The following SYT17 variants were observed in gnomAD, a reference collection of about 807,000 sequenced individuals.
SYT17 encodes synaptotagmin 17.
SYT17 carries 22 observed loss-of-function variants against 46.7 expected under a neutral mutation model. The ratio of observed to expected loss-of-function variants is 0.47; its 90% CI spans 0.34 to 0.67. The LOEUF (loss-of-function observed/expected upper bound fraction) is 0.67, where lower values mean the gene tolerates loss of function less well. SYT17 is among the 30% of genes least tolerant of loss of function. The pLI, the probability that SYT17 is intolerant of heterozygous loss-of-function variation, is 0.01. For missense variants in SYT17, 519 were observed against 612.8 expected, an observed-to-expected ratio of 0.85 and a Z score of 1.62; for synonymous variants, 251 against 248.4, an observed-to-expected ratio of 1.01 and a Z score of -0.10.
chr16:19,202,408 G>C (rs1965502205), intron 5 of SYT17, among the ~76,000 whole-genome samples: 1 of 152,256 alleles, frequency 6.6e-6, no homozygotes, highest in African/African-American at 2.4e-5. Context: ...TGAGGCAGGG[G>C]GTTGTGTGTG....
At chr16:19,240,672 G>A (rs921089070) in intron 7 of SYT17, among the ~76,000 whole-genome samples, 22 of 152,344 alleles carry the variant, frequency 1.4e-4, no homozygotes, top group African/African-American at 1.2e-4. Flanking sequence ...GTTTGAAGGC[G>A]GGGCTTCACC....
At chr16:19,246,197 G>T (rs1967547419) in intron 7 of SYT17, among the ~76,000 whole-genome samples, 1 of 151,916 alleles carries the variant, frequency 6.6e-6, no homozygotes, top group South Asian at 2.1e-4. Context: ...TCACCATGTT[G>T]GCCAGGCTGG....
At chr16:19,186,734 T>C (rs1964805927) in intron 5 of SYT17, among the ~76,000 whole-genome samples, 1 of 152,226 alleles carries the variant, frequency 6.6e-6, no homozygotes, top group Admixed American at 6.5e-5. Flanking sequence ...TCAAAATAGT[T>C]TTTGGAAGCG....
intron 7 of SYT17, among the ~76,000 whole-genome samples, chr16:19,266,508 A>G (rs1449666341): frequency 6.6e-6 from 1 of 152,234 alleles, no homozygotes; most frequent in Non-Finnish European, 1.5e-5. Flanking sequence ...TTCCACTAGA[A>G]CTATCCACTT....
At chr16:19,259,697 T>C (rs1968827078) in intron 7 of SYT17, among the ~76,000 whole-genome samples, 2 of 148,564 alleles carry the variant, frequency 1.3e-5, no homozygotes, top group Non-Finnish European at 3.0e-5. Context: ...TTTTTTTTTC[T>C]TGCCACACTC....
At chr16:19,256,437 A>AAC (rs57120408) in intron 7 of SYT17, among the ~76,000 whole-genome samples, 12,941 of 128,710 alleles carry the variant, frequency 0.1, 742 homozygotes, top group South Asian at 0.19. Flanking sequence ...CCCCTCTTCA[A>AAC]ACACACACAC....
chr16:19,223,135 C>T lies in SYT17; in HGVS notation c.1042C>T (p.Leu348Phe). 1 of 1,613,944 alleles carries T rather than the reference C, an allele frequency of 6.2e-7. No individual in the cohort carries two copies. The highest frequency in any genetic ancestry group is 8.5e-7 in the Non-Finnish European group (1 of 1,179,862). ...TGTTGATGTCATTCGAGCCAAGCAA[C>T]TTCTTCAGACAGATGTGAGCCAAGG... ...LNVDVIRAKQ[L>F]LQTDVSQGSD... The change falls in exon 6 of 8, where the codon CTT becomes TTT. Residue 348 changes from leucine to phenylalanine, a missense_variant. Physicochemically the swap from Leu to Phe is conservative, Grantham distance 22 (BLOSUM62 0). Transcript: ENST00000355377.
chr16:19,211,513 G>A lies in SYT17; in HGVS notation c.952-11532G>A, dbSNP rs1965899763. 5 of 703,026 alleles carry A rather than the reference G, an allele frequency of 7.1e-6. No individual in the cohort carries two copies. In the South Asian group the frequency reaches 7.4e-5, roughly 10 times the overall value. 43.5% of individuals were successfully genotyped at this position (703,026 alleles called of 1,614,324 possible). A position where few individuals can be genotyped will look rare whatever the true frequency, so the allele number is the denominator to read the frequency against. ...GGTGTGATGGGAAATGATGGAGGCA[G>A]AGGGGTGTTTTCAACTGAGTGTTAA... On this transcript the variant is annotated intron_variant, in intron 5 of 7. Transcript: ENST00000355377.
chr16:19,214,097 A>G (rs1245939050), intron 5 of SYT17, among the ~76,000 whole-genome samples: 1 of 152,130 alleles, frequency 6.6e-6, no homozygotes, highest in Non-Finnish European at 1.5e-5. Flanking sequence ...CCCAGTTATG[A>G]CAACTAAAAC....
chr16:19,172,448 G>T (rs924092085), intron 1 of SYT17: 12 of 1,443,702 alleles, frequency 8.3e-6, no homozygotes, highest in Non-Finnish European at 1.1e-5. Context: ...TGGATAGCAT[G>T]ACTATCTATC....
intron 2 of SYT17, 52 bp from the exon 3 acceptor site, chr16:19,173,378 G>GGCCCCCCCC: frequency 9.0e-6 from 2 of 222,874 alleles, no homozygotes; most frequent in African/African-American, 4.3e-5. Context: ...TCCCCACCCT[G>GGCCCCCCCC]CCCACCTCCC....
chr16:19,208,343 CACT>C (rs1180129614), intron 5 of SYT17, among the ~76,000 whole-genome samples: 2 of 152,128 alleles, frequency 1.3e-5, no homozygotes, highest in Non-Finnish European at 2.9e-5. Flanking sequence ...TGAGACTGGG[CACT>C]ACTAAGAAAA....
intron 7 of SYT17, among the ~76,000 whole-genome samples, chr16:19,237,976 G>A (rs1272649615): frequency 6.6e-6 from 1 of 152,230 alleles, no homozygotes; most frequent in East Asian, 1.9e-4. Flanking sequence ...TAAGTACATT[G>A]AGACGTCTTT....
chr16:19,217,642 A>G (rs1596968520), intron 5 of SYT17, among the ~76,000 whole-genome samples: 1 of 152,210 alleles, frequency 6.6e-6, no homozygotes, highest in East Asian at 1.9e-4. Flanking sequence ...TATTGTGAAT[A>G]GTGCTGCTAT....
intron 5 of SYT17, among the ~76,000 whole-genome samples, chr16:19,203,708 A>G (rs888489696): frequency 6.6e-6 from 1 of 152,340 alleles, no homozygotes; most frequent in South Asian, 2.1e-4. Flanking sequence ...TCTGTGCCCA[A>G]TGCAGCACCT....
intron 5 of SYT17, among the ~76,000 whole-genome samples, chr16:19,199,635 C>G (rs1468772751): frequency 6.6e-6 from 1 of 152,102 alleles, no homozygotes; most frequent in Non-Finnish European, 1.5e-5. Context: ...ACTTGAGAGG[C>G]TGAGGCAGGT....
intron 3 of SYT17, among the ~76,000 whole-genome samples, chr16:19,175,963 C>T (rs2142524855): frequency 6.6e-6 from 1 of 152,332 alleles, no homozygotes; most frequent in East Asian, 1.9e-4. Flanking sequence ...AGGGAATTTT[C>T]AGTCTCACGT....
Position 19,179,451 on chromosome 16 carries a change from A to G in SYT17, c.183-940A>G, listed in dbSNP as rs79423768. Among the ~76,000 whole-genome samples the G allele has an allele frequency of 5.1e-3, 770 of 152,138 alleles. 3 individuals carry two copies. Among genetic ancestry groups the G allele is most frequent in the African/African-American group, 0.018 (730 of 41,512 alleles). ...CCACCATGCCCAGCCAACTTTCAGT[A>G]GAGATGGGTCCTGCTGTGTTGCCCA... On this transcript the variant is annotated intron_variant, in intron 3 of 7. Transcript: ENST00000355377.
rs765766964 is a variant in SYT17, at chr16:19,266,990, C to T, written c.1339C>T (p.His447Tyr). 6.2e-7 allele frequency: 1 copy of T among 1,613,770 alleles called. No individual in the cohort carries two copies. The highest frequency in any genetic ancestry group is 8.5e-7 in the Non-Finnish European group (1 of 1,179,986). ...TNHWRRMLNT[H>Y]RTAVEQWHSL... Reference sequence around the variant, plus strand: ...CCACTGGAGGCGCATGCTCAACACGCACCGCACAGCCGTGGAGCAGTGGCA... The same window carrying T: ...CCACTGGAGGCGCATGCTCAACACGTACCGCACAGCCGTGGAGCAGTGGCA... The change falls in exon 8 of 8, where the codon CAC (histidine) becomes TAC (tyrosine). Residue 447 changes from histidine (H) to tyrosine (Y), a missense_variant. Coordinates refer to ENST00000355377, the MANE Select transcript of SYT17 (RefSeq NM_016524.4).
Sources: gnomAD v4.1 joint callset for allele counts (sites outside exome capture counted in the v4.1 genomes callset) on GRCh38, gnomAD v4.1.1 for gene constraint, MANE v1.5 for transcripts, NCBI Gene and HGNC (gene_info 2026-07-23, HGNC 2026-07-21) for gene names.